The following FRMD4B variants were observed in gnomAD, a reference collection of about 807,000 sequenced individuals.
FRMD4B encodes FERM domain containing 4B, also known as FERM domain-containing protein 4B.
In FRMD4B, 74 loss-of-function variants were observed where a neutral mutation model predicts 141.5. The observed-to-expected ratio is 0.52, with a 90% CI of 0.43 to 0.63. The LOEUF is 0.63. Among genes scored for constraint, FRMD4B ranks in the 30% least tolerant of loss-of-function variants. The pLI is 0.00. For synonymous variants in FRMD4B, 506 were observed against 467.9 expected (o/e 1.08, Z -1.05); for missense variants, 1,366 against 1,253.4 (o/e 1.09, Z -1.36).
chr3:69,535,126 A>C (rs1227938763), intron 1 of FRMD4B, among the ~76,000 whole-genome samples: 1 of 152,228 alleles, frequency 6.6e-6, no homozygotes, highest in Non-Finnish European at 1.5e-5. Flanking sequence ...TGAGGCACAA[A>C]AAAAGGTTAA....
chr3:69,369,683 A>G (rs1703770801), intron 1 of FRMD4B, among the ~76,000 whole-genome samples: 1 of 151,692 alleles, frequency 6.6e-6, no homozygotes, highest in Non-Finnish European at 1.5e-5. Context: ...ATCTGGCATC[A>G]ATACCTAGAA....
At chr3:69,256,054 G>A (rs1171423848) in intron 5 of FRMD4B, among the ~76,000 whole-genome samples, 1 of 152,048 alleles carries the variant, frequency 6.6e-6, no homozygotes, top group Non-Finnish European at 1.5e-5. Context: ...CTGTGATTGC[G>A]CCACTGGACT....
rs537444663 is a variant in FRMD4B, at chr3:69,391,517, C to T, written c.-1+41117G>A. ...TGCGCTGTTTGGTTTTCTGTCCTTG[C>T]GATAGTTTGCTCAGAATTATCATTT... On this transcript the variant is annotated intron_variant, in intron 2 of 5. Transcript: ENST00000459638. 1.7e-4 allele frequency among the ~76,000 whole-genome samples: 25 copies of T among 151,300 alleles called. No individual in the cohort carries two copies. The South Asian group carries it at 3.6e-3, about 22-fold the overall frequency.
intron 2 of FRMD4B, among the ~76,000 whole-genome samples, chr3:69,396,163 C>A (rs1051542793): frequency 6.6e-6 from 1 of 152,146 alleles, no homozygotes; most frequent in Non-Finnish European, 1.5e-5. Flanking sequence ...AGGGAAGGCA[C>A]AACACCCAAC....
At position 69,195,307 on chromosome 3, in the gene FRMD4B, T is replaced by C. The variant is rs1479335721; in HGVS notation, c.1292A>G (p.Lys431Arg). Residue 431 changes from lysine to arginine, a missense_variant, in exon 15 of 23, where the codon AAG becomes AGG. Lys to Arg is a conservative substitution (Grantham distance 26). Transcript: ENST00000398540. ...EQKREKILELKKKEKLLQEKL... is the reference protein window; with the variant it reads ...EQKREKILELRKKEKLLQEKL... ...TTCTTGTAATAGTTTCTCCTTCTTC[T>C]TTAGTTCAAGGATTTTTTCTCTCTT... 2.5e-6 allele frequency: 4 copies of C among 1,613,314 alleles called. No individual in the cohort carries two copies. The highest frequency in any genetic ancestry group is 2.2e-5 in the South Asian group (2 of 91,002).
intron 1 of FRMD4B, among the ~76,000 whole-genome samples, chr3:69,443,053 G>A (rs1334446313): frequency 1.3e-5 from 2 of 152,152 alleles, no homozygotes; most frequent in East Asian, 3.9e-4. Context: ...TTAATGAGAT[G>A]GCTGGGGGAT....
chr3:69,425,052 G>A (rs554472333), intron 2 of FRMD4B, among the ~76,000 whole-genome samples: 1 of 152,290 alleles, frequency 6.6e-6, no homozygotes, highest in East Asian at 1.9e-4. Flanking sequence ...AGGCAAATAG[G>A]AAGGTAGGTG....
intron 5 of FRMD4B, among the ~76,000 whole-genome samples, chr3:69,271,187 A>G (rs1477923225): frequency 1.3e-5 from 2 of 152,234 alleles, no homozygotes; most frequent in African/African-American, 4.8e-5. Context: ...TCACACCATT[A>G]TGAAATACAA....
intron 1 of FRMD4B, among the ~76,000 whole-genome samples, chr3:69,450,529 G>C (rs1166416097): frequency 6.6e-6 from 1 of 152,228 alleles, no homozygotes; most frequent in South Asian, 2.1e-4. Flanking sequence ...AAGGCAGGCA[G>C]ATCACCTGAG....
At chr3:69,253,974 G>C (rs908789171) in intron 5 of FRMD4B, among the ~76,000 whole-genome samples, 2 of 152,128 alleles carry the variant, frequency 1.3e-5, no homozygotes, top group African/African-American at 4.8e-5. Context: ...CCACTACTAG[G>C]GAGGCTGAGG....
intron 2 of FRMD4B, among the ~76,000 whole-genome samples, chr3:69,394,858 C>T (rs1704447946): frequency 1.3e-5 from 2 of 152,126 alleles, no homozygotes; most frequent in African/African-American, 4.8e-5. Context: ...GAGTCCATGT[C>T]CTTCACAGGA....
At chr3:69,280,196 C>T (rs1251105022) in intron 5 of FRMD4B, among the ~76,000 whole-genome samples, 2 of 152,090 alleles carry the variant, frequency 1.3e-5, no homozygotes, top group Non-Finnish European at 2.9e-5. Context: ...GTATCAGTTT[C>T]GGCATTTCCA....
At chr3:69,511,373 A>T (rs1312391656) in intron 1 of FRMD4B, among the ~76,000 whole-genome samples, 1 of 152,194 alleles carries the variant, frequency 6.6e-6, no homozygotes, top group African/African-American at 2.4e-5. Flanking sequence ...CTAGGCCCTG[A>T]GGATACCTAG....
At chr3:69,198,349 G>A in intron 12 of FRMD4B, 1 of 208,684 alleles carries the variant, frequency 4.8e-6, no homozygotes, top group Non-Finnish European at 9.6e-6. Context: ...TTAGTCATGA[G>A]GGAAGTGCAA....
At chr3:69,218,182 AG>A (rs953440476) in intron 10 of FRMD4B, 139 bp downstream of exon 10, 1 of 591,284 alleles carries the variant, frequency 1.7e-6, no homozygotes, top group Non-Finnish European at 3.0e-6. Flanking sequence ...TAACGTAGCA[AG>A]TATTTTGCAA....
chr3:69,265,221 C>CT (rs2093553006), intron 5 of FRMD4B, among the ~76,000 whole-genome samples: 6 of 121,940 alleles, frequency 4.9e-5, no homozygotes, highest in Admixed American at 4.8e-4. Flanking sequence ...CGCCACTGCA[C>CT]TCCAGCCTGG....
intron 1 of FRMD4B, among the ~76,000 whole-genome samples, chr3:69,451,653 T>C (rs913988280): frequency 3.3e-5 from 5 of 152,222 alleles, no homozygotes; most frequent in African/African-American, 1.2e-4. Flanking sequence ...AGCAATCCTC[T>C]CATGCCAAGA....
intron 5 of FRMD4B, among the ~76,000 whole-genome samples, chr3:69,273,863 G>A (rs1376136339): frequency 6.6e-6 from 1 of 151,772 alleles, no homozygotes; most frequent in Non-Finnish European, 1.5e-5. Context: ...TATTTAAAGG[G>A]TGTTTTGGAG....
intron 4 of FRMD4B, among the ~76,000 whole-genome samples, chr3:69,288,671 C>T (rs1412248668): frequency 6.6e-6 from 1 of 152,126 alleles, no homozygotes; most frequent in Non-Finnish European, 1.5e-5. Flanking sequence ...AAGCTGGGGC[C>T]CCGAAGTTTT....
Sources: allele counts gnomAD v4.1 joint callset (sites outside exome capture counted in the v4.1 genomes callset), GRCh38; gene constraint gnomAD v4.1.1; transcripts MANE v1.5; gene names NCBI Gene and HGNC (gene_info 2026-07-23, HGNC 2026-07-21).